The following PLCB4 variants were observed in gnomAD, a reference collection of about 807,000 sequenced individuals.
The protein encoded by PLCB4 is phospholipase C beta 4.
PLCB4 carries 77 observed loss-of-function variants against 178.8 expected under a neutral mutation model. The observed-to-expected ratio is 0.43, with a 90% CI of 0.36 to 0.52. The LOEUF (loss-of-function observed/expected upper bound fraction) is 0.52, where lower values mean the gene tolerates loss of function less well. Ranked by LOEUF, PLCB4 falls within the 20% of genes least tolerant of loss-of-function variation. PLCB4 has a pLI of 0.00. For missense variants in PLCB4, 1,024 were observed against 1,453.4 expected (o/e 0.70, Z 4.80); for synonymous variants, 496 against 490.8 (o/e 1.01, Z -0.14).
intron 3 of PLCB4, among the ~76,000 whole-genome samples, chr20:9,246,060 A>G (rs1003827593): frequency 1.3e-5 from 2 of 152,208 alleles, no homozygotes; most frequent in Non-Finnish European, 2.9e-5. Context: ...TACATATACC[A>G]TAAACTTAGA....
intron 35 of PLCB4, among the ~76,000 whole-genome samples, chr20:9,464,658 A>G (rs1477476768): frequency 1.3e-5 from 2 of 152,350 alleles, no homozygotes; most frequent in African/African-American, 4.8e-5. Flanking sequence ...AAACACCTCT[A>G]TGCAAATAAA....
At chr20:9,409,223 C>CTT in intron 24 of PLCB4, 42 bp downstream of exon 24, 1 of 1,537,720 alleles carries the variant, frequency 6.5e-7, no homozygotes. Context: ...CATGAGAACA[C>CTT]TTTGACAGGA....
chr20:9,251,799 C>T (rs1190235044), intron 3 of PLCB4, among the ~76,000 whole-genome samples: 3 of 152,120 alleles, frequency 2.0e-5, no homozygotes, highest in East Asian at 1.9e-4. Flanking sequence ...ATGCTAGCCA[C>T]ATACATAATT....
chr20:9,110,153 C>T (rs2091522190), intron 2 of PLCB4, among the ~76,000 whole-genome samples: 2 of 151,784 alleles, frequency 1.3e-5, no homozygotes, highest in Admixed American at 6.6e-5. Context: ...AAAATGAATG[C>T]ACAGGTCAAG....
chr20:9,359,981 T>A (rs2035179003), intron 7 of PLCB4, among the ~76,000 whole-genome samples: 1 of 152,212 alleles, frequency 6.6e-6, no homozygotes, highest in Non-Finnish European at 1.5e-5. Flanking sequence ...GCCCTTGTTA[T>A]GTTACTTGTA....
chr20:9,448,004 A>T (rs1883492), intron 32 of PLCB4, among the ~76,000 whole-genome samples: 1 of 152,220 alleles, frequency 6.6e-6, no homozygotes, highest in Non-Finnish European at 1.5e-5. Context: ...TCTTATGCCT[A>T]TCTGACACTT....
In PLCB4 at chr20:9,459,660, C is replaced by T. The variant is rs1055435615; in HGVS notation, c.3098C>T (p.Thr1033Ile). 5.6e-6 allele frequency: 9 copies of T among 1,609,520 alleles called. No individual in the cohort carries two copies. Among genetic ancestry groups the T allele is most frequent in the Non-Finnish European group, 7.7e-6 (9 of 1,176,320 alleles). Residue 1033 changes from threonine to isoleucine, a missense_variant, in exon 35 of 40, where the codon ACA (threonine) becomes ATA (isoleucine). Thr to Ile is a moderately conservative substitution (Grantham distance 89, BLOSUM62 -1). Transcript: ENST00000378473. ...SKVKEIVAQH[T>I]KEWSEMINTH... ...GTCAAAGAGATTGTAGCACAGCACA[C>T]AAAGGAATGGTCAGAAATGATCAAT...
chr20:9,390,565 G>A lies in PLCB4; in HGVS notation c.1273G>A (p.Glu425Lys), dbSNP rs770376711. The change falls in exon 17 of 40, where the codon GAA (glutamate) becomes AAA (lysine). Residue 425 changes from glutamate to lysine, a missense_variant. Physicochemically the swap from Glu to Lys is moderately conservative, Grantham distance 56. Coordinates refer to ENST00000378473, the MANE Select transcript of PLCB4 (RefSeq NM_001377142.1). ...YQQYKMSKYC[E>K]DLFGDLLLKQ... The stretch of plus-strand genomic sequence containing the variant: ...ACAGTACAAGATGTCCAAATATTGC[G>A]AAGATCTATTTGGGGATCTCCTGTT... 5 of 1,591,122 alleles carry A rather than the reference G, an allele frequency of 3.1e-6. No homozygotes were observed. Among genetic ancestry groups the A allele is most frequent in the African/African-American group, 1.3e-5 (1 of 74,558 alleles).
intron 3 of PLCB4, among the ~76,000 whole-genome samples, chr20:9,307,012 G>C (rs1255408731): frequency 6.6e-6 from 1 of 152,110 alleles, no homozygotes; most frequent in East Asian, 1.9e-4. Context: ...GGAAGAAAAT[G>C]GGGCAACAGG....
intron 2 of PLCB4, among the ~76,000 whole-genome samples, chr20:9,140,858 A>G (rs1341663836): frequency 6.6e-6 from 1 of 152,094 alleles, no homozygotes; most frequent in Non-Finnish European, 1.5e-5. Flanking sequence ...CTTTATAGCA[A>G]TGCAAAATGG....
chr20:9,103,156 CA>C (rs1292919278), intron 2 of PLCB4, among the ~76,000 whole-genome samples: 1 of 151,846 alleles, frequency 6.6e-6, no homozygotes, highest in African/African-American at 2.4e-5. Context: ...AACACATTGG[CA>C]TATACTCTGT....
chr20:9,197,735 G>A (rs2093490301), intron 2 of PLCB4, among the ~76,000 whole-genome samples: 1 of 152,232 alleles, frequency 6.6e-6, no homozygotes, highest in African/African-American at 2.4e-5. Flanking sequence ...CAGCACTTTG[G>A]GAGGCTGAGG....
chr20:9,318,652 C>T lies in PLCB4; in HGVS notation c.84+10754C>T, dbSNP rs148243349. On this transcript the variant is annotated intron_variant, in intron 4 of 39. Coordinates refer to ENST00000378473, the MANE Select transcript of PLCB4 (RefSeq NM_001377142.1). ...CATTTAAACTGTAGCCTAAACATCT[C>T]CCAAAGTTACCTTCATCCAAAAGCC... 3.0e-3 allele frequency among the ~76,000 whole-genome samples: 453 copies of T among 152,238 alleles called. 2 individuals are homozygous for T. Among genetic ancestry groups the T allele is most frequent in the African/African-American group, 0.01 (421 of 41,550 alleles).
At chr20:9,133,784 C>G (rs1441835168) in intron 2 of PLCB4, among the ~76,000 whole-genome samples, 1 of 152,186 alleles carries the variant, frequency 6.6e-6, no homozygotes, top group Non-Finnish European at 1.5e-5. Flanking sequence ...GCACTGTGGA[C>G]AGCAGCTCTC....
At chr20:9,249,618 T>C (rs956004100) in intron 3 of PLCB4, among the ~76,000 whole-genome samples, 1 of 152,206 alleles carries the variant, frequency 6.6e-6, no homozygotes, top group Non-Finnish European at 1.5e-5. Context: ...TAATGCCATT[T>C]TTCATCTTAA....
At chr20:9,447,889 C>A (rs567965925) in intron 32 of PLCB4, among the ~76,000 whole-genome samples, 1 of 152,264 alleles carries the variant, frequency 6.6e-6, no homozygotes, top group South Asian at 2.1e-4. Context: ...TTTTTAAGAG[C>A]AATCATGAAC....
chr20:9,287,953 C>T (rs1435597072), intron 3 of PLCB4, among the ~76,000 whole-genome samples: 2 of 152,024 alleles, frequency 1.3e-5, no homozygotes, highest in African/African-American at 4.8e-5. Context: ...TTTCCTTTTG[C>T]ACCAGTGAGA....
chr20:9,429,329 G>A (rs1231971109), intron 28 of PLCB4, among the ~76,000 whole-genome samples: 2 of 152,226 alleles, frequency 1.3e-5, no homozygotes, highest in East Asian at 1.9e-4. Flanking sequence ...AGTGGATGCC[G>A]ATCAGCACTG....
In PLCB4 at chr20:9,423,807, G is replaced by C; in HGVS notation, c.2379G>C (p.Leu793=). 6.2e-7 allele frequency: 1 copy of C among 1,614,012 alleles called. No homozygotes were observed. Residue 793 remains leucine (L), a synonymous_variant, in exon 28 of 40, where the codon CTG becomes CTC. Coordinates refer to ENST00000378473, the MANE Select transcript of PLCB4 (RefSeq NM_001377142.1). ...RIAVYDDNNK[L]IGQRILPLDG... ...CTGTGTATGATGATAACAACAAGCTGATTGGCCAGAGGATCCTCCCGCTTG... is the reference window on the plus strand; with the variant it reads ...CTGTGTATGATGATAACAACAAGCTCATTGGCCAGAGGATCCTCCCGCTTG...
Sources: allele counts gnomAD v4.1 joint callset (sites outside exome capture counted in the v4.1 genomes callset), GRCh38; gene constraint gnomAD v4.1.1; transcripts MANE v1.5; gene names NCBI Gene and HGNC (gene_info 2026-07-23, HGNC 2026-07-21).